The following MIA2 variants were observed in gnomAD, a reference collection of about 807,000 sequenced individuals.
MIA2 encodes the protein melanoma inhibitory activity protein 2.
A neutral mutation model predicts 167.8 loss-of-function variants in MIA2; 127 were observed. The ratio of observed to expected loss-of-function variants is 0.76; its 90% confidence interval spans 0.66 to 0.88. The LOEUF (loss-of-function observed/expected upper bound fraction) is 0.88. MIA2 is among the 40% of genes least tolerant of loss of function. The pLI is 0.00. For missense variants in MIA2, 1,690 were observed against 1,624.7 expected (o/e 1.04, Z -0.69); for synonymous variants, 552 against 541.9 (o/e 1.02, Z -0.26).
intron 25 of MIA2, among the ~76,000 whole-genome samples, chr14:39,344,879 A>G (rs1034502751): frequency 2.0e-5 from 3 of 152,058 alleles, no homozygotes; most frequent in Non-Finnish European, 4.4e-5. Context: ...GAATTATTAA[A>G]CCGCAATTAC....
chr14:39,349,193 A>G (rs2074023352), intron 28 of MIA2, among the ~76,000 whole-genome samples: 1 of 152,144 alleles, frequency 6.6e-6, no homozygotes, highest in Admixed American at 6.5e-5. Context: ...AATAATATAG[A>G]ATTATTTCTG....
rs770656146 is a variant in MIA2, at chr14:39,350,050, A to AC, written c.4073-47dup. On this transcript the variant is annotated intron_variant, in intron 28 of 28. Coordinates refer to ENST00000640607, the MANE Select transcript of MIA2 (RefSeq NM_001329214.4). ...ACTTAATGATTTATTAGGGCACAGT[A>AC]CAGGTTCTTAAAGTTAAAAAATGTC... 3 of 723,086 alleles carry AC rather than the reference A, an allele frequency of 4.1e-6. No homozygotes were observed. In the South Asian group the frequency reaches 5.3e-5, roughly 13 times the overall value. The allele number at this position is 723,086 out of a possible 1,614,324, so 44.8% of individuals were successfully genotyped here. A position where few individuals can be genotyped will look rare whatever the true frequency, so the allele number is the denominator to read the frequency against.
chr14:39,377,761 C>CTTT (rs35116122), intron 23 of MIA2, among the ~76,000 whole-genome samples: 33 of 148,300 alleles, frequency 2.2e-4, no homozygotes, highest in African/African-American at 7.6e-4. Context: ...GGCTCTCTCC[C>CTTT]TTTTTTTTTT....
At chr14:39,385,782 T>G (rs1461897629) in intron 23 of MIA2, 9 of 872,356 alleles carry the variant, frequency 1.0e-5, no homozygotes, top group African/African-American at 1.6e-5. Context: ...GGTCATTTAA[T>G]TGCTGTTGCC....
chr14:39,375,797 A>G (rs756426667), intron 23 of MIA2, among the ~76,000 whole-genome samples: 16 of 152,224 alleles, frequency 1.1e-4, no homozygotes, highest in Non-Finnish European at 2.2e-4. Context: ...ACTGAACAAA[A>G]TCATGTAACT....
At chr14:39,280,648 G>A (rs1411024364) in intron 9 of MIA2, among the ~76,000 whole-genome samples, 1 of 152,092 alleles carries the variant, frequency 6.6e-6, no homozygotes, top group African/African-American at 2.4e-5. Flanking sequence ...CAGGAGAATG[G>A]CGTGAACCAG....
intron 6 of MIA2, among the ~76,000 whole-genome samples, chr14:39,273,438 G>A (rs1300845941): frequency 2.6e-5 from 4 of 151,828 alleles, no homozygotes; most frequent in Admixed American, 1.3e-4. Context: ...CTGCCGTCTC[G>A]ACTTCCTGGG....
At chr14:39,288,370 T>C (rs1244577076) in intron 9 of MIA2, among the ~76,000 whole-genome samples, 1 of 149,654 alleles carries the variant, frequency 6.7e-6, no homozygotes, top group African/African-American at 2.5e-5. Context: ...CATGTGGTTT[T>C]TGTCTTTCAG....
intron 7 of MIA2, among the ~76,000 whole-genome samples, chr14:39,277,771 TA>T (rs1173054292): frequency 2.1e-5 from 1 of 47,852 alleles, no homozygotes; most frequent in Non-Finnish European, 4.1e-5. Context: ...TATATATATA[TA>T]TATATATATT....
intron 6 of MIA2, chr14:39,265,528 CTTTT>C: frequency 1.3e-6 from 1 of 785,112 alleles, no homozygotes; most frequent in Non-Finnish European, 2.0e-6. Flanking sequence ...TTGGATTTTT[CTTTT>C]TTTTTCATTT....
intron 25 of MIA2, among the ~76,000 whole-genome samples, chr14:39,330,804 T>C (rs1450609287): frequency 3.9e-5 from 6 of 152,230 alleles, no homozygotes; most frequent in African/African-American, 1.4e-4. Context: ...TGAGTTCTAA[T>C]TTGATTGCAC....
Position 39,279,440 on chromosome 14 carries a change from CT to C in MIA2, c.2042-3del, listed in dbSNP as rs1566695002. The C allele has an allele frequency of 1.2e-6, 2 of 1,603,650 alleles. No homozygotes were observed. The highest frequency in any genetic ancestry group is 8.5e-7 in the Non-Finnish European group (1 of 1,177,350). On this transcript the variant is annotated splice_polypyrimidine_tract_variant and splice_region_variant and intron_variant, in intron 8 of 28. Coordinates refer to ENST00000640607, the MANE Select transcript of MIA2 (RefSeq NM_001329214.4). ...TTTACTCATGGTAATATTGACTTGACTTTTTTAGGACGAGAGAAAAAGCTTG... is the reference window on the plus strand; with the variant it reads ...TTTACTCATGGTAATATTGACTTGACTTTTTAGGACGAGAGAAAAAGCTTG...
intron 24 of MIA2, among the ~76,000 whole-genome samples, chr14:39,321,513 T>TC (rs1184702336): frequency 6.6e-6 from 1 of 151,766 alleles, no homozygotes; most frequent in Non-Finnish European, 1.5e-5. Context: ...AGACGGGGTT[T>TC]CACCATGTTA....
intron 19 of MIA2, 64 bp from the exon 20 acceptor site, chr14:39,314,675 A>T: frequency 1.1e-6 from 1 of 878,866 alleles, no homozygotes; most frequent in Non-Finnish European, 1.6e-6. Flanking sequence ...TTTTTTTAGT[A>T]GAGAGTATGT....
At chr14:39,382,572 C>G (rs1181461306) in intron 23 of MIA2, among the ~76,000 whole-genome samples, 1 of 152,038 alleles carries the variant, frequency 6.6e-6, no homozygotes, top group Non-Finnish European at 1.5e-5. Context: ...CCACATGTTA[C>G]AAGAAAAAAG....
At chr14:39,356,595 G>C (rs532929888) in intron 23 of MIA2, among the ~76,000 whole-genome samples, 116 of 152,104 alleles carry the variant, frequency 7.6e-4, no homozygotes, top group African/African-American at 2.6e-3. Context: ...GCCGTCTGCT[G>C]GCTTTTGAAT....
At chr14:39,270,181 G>T (rs1316703314) in intron 6 of MIA2, among the ~76,000 whole-genome samples, 2 of 147,826 alleles carry the variant, frequency 1.4e-5, no homozygotes, top group Non-Finnish European at 3.0e-5. Context: ...ACAGGTGAGT[G>T]GTATTTCACT....
At chr14:39,302,796 A>G (rs2062735482) in intron 15 of MIA2, among the ~76,000 whole-genome samples, 1 of 151,110 alleles carries the variant, frequency 6.6e-6, no homozygotes, top group Non-Finnish European at 1.5e-5. Context: ...CTTTGACCTA[A>G]AAAAAACCTT....
rs2059612921 is a variant in MIA2 at position 39,285,650 on chromosome 14, C to T, written c.2131-5369C>T. On this transcript the variant is annotated intron_variant, in intron 9 of 28. Transcript: ENST00000640607. ...CCTCCCTCCCGGATGGGGTGGCTGGCCGGGCTGGGGCTGACCCCCCACCTC... is the reference window on the plus strand; with the variant it reads ...CCTCCCTCCCGGATGGGGTGGCTGGTCGGGCTGGGGCTGACCCCCCACCTC... Among the ~76,000 whole-genome samples the T allele has an allele frequency of 1.4e-5, 2 of 147,244 alleles. 1 individual carries two copies. The highest frequency in any genetic ancestry group is 4.3e-4 in the South Asian group (2 of 4,606).
Sources: allele counts gnomAD v4.1 joint callset (sites outside exome capture counted in the v4.1 genomes callset), GRCh38; gene constraint gnomAD v4.1.1; transcripts MANE v1.5; gene names NCBI Gene and HGNC (gene_info 2026-07-23, HGNC 2026-07-21).